Variants in PPFIA2 observed in about 807,000 individuals in gnomAD.
PPFIA2 encodes the protein liprin-alpha-2.
A neutral mutation model predicts 175.5 loss-of-function variants in PPFIA2; 46 were observed. That is an observed-to-expected ratio of 0.26 (90% confidence interval 0.21 to 0.34). The LOEUF (loss-of-function observed/expected upper bound fraction) is 0.34. Among genes scored for constraint, PPFIA2 ranks in the 10% least tolerant of loss-of-function variants. PPFIA2 has a pLI of 1.00. For synonymous variants in PPFIA2, 568 were observed against 511.4 expected (o/e 1.11, Z -1.49); for missense variants, 1,179 against 1,506.1 (o/e 0.78, Z 3.60).
At chr12:81,295,772 C>T (rs1189436352) in intron 23 of PPFIA2, among the ~76,000 whole-genome samples, 1 of 152,114 alleles carries the variant, frequency 6.6e-6, no homozygotes, top group Non-Finnish European at 1.5e-5. Flanking sequence ...GGAAGGATCA[C>T]ATGAGGTCAG....
At chr12:81,511,041 A>G (rs1421106597) in intron 4 of PPFIA2, among the ~76,000 whole-genome samples, 1 of 152,118 alleles carries the variant, frequency 6.6e-6, no homozygotes. Flanking sequence ...ACAATAATTT[A>G]CCAGGAAAAG....
chr12:81,449,100 T>C (rs1246638049), intron 5 of PPFIA2, among the ~76,000 whole-genome samples: 1 of 152,208 alleles, frequency 6.6e-6, no homozygotes, highest in African/African-American at 2.4e-5. Flanking sequence ...CTTGTAGATA[T>C]CAGCCTATTT....
chr12:81,305,639 A>G (rs933388208), intron 22 of PPFIA2, among the ~76,000 whole-genome samples: 2 of 152,026 alleles, frequency 1.3e-5, no homozygotes, highest in African/African-American at 4.8e-5. Context: ...CTATCCCTTG[A>G]GTGATGCCAC....
chr12:81,462,570 G>GTATATATATATACACATATATATA (rs1374654839), intron 4 of PPFIA2, among the ~76,000 whole-genome samples: 1 of 74,178 alleles, frequency 1.3e-5, no homozygotes, highest in Non-Finnish European at 2.4e-5. Context: ...ATATATATGT[G>GTATATATATATACACATATATATA]TATATATATA....
intron 3 of PPFIA2, among the ~76,000 whole-genome samples, chr12:81,730,276 T>C (rs977904244): frequency 6.6e-6 from 1 of 151,678 alleles, no homozygotes; most frequent in African/African-American, 2.4e-5. Context: ...AATCCAAGTG[T>C]ATTAGTCTGC....
At chr12:81,664,452 G>A (rs1406634662) in intron 4 of PPFIA2, among the ~76,000 whole-genome samples, 1 of 151,870 alleles carries the variant, frequency 6.6e-6, no homozygotes, top group Non-Finnish European at 1.5e-5. Context: ...CTCATCACTG[G>A]CCATCAGAGA....
chr12:81,417,855 C>G (rs1271091307), intron 7 of PPFIA2, among the ~76,000 whole-genome samples: 1 of 151,748 alleles, frequency 6.6e-6, no homozygotes, highest in African/African-American at 2.4e-5. Flanking sequence ...TTGTCTCCAA[C>G]AAATTGCCAT....
At chr12:81,262,099 T>C (rs1475290251) in intron 31 of PPFIA2, 59 bp from the exon 32 acceptor site, 23 of 1,175,768 alleles carry the variant, frequency 2.0e-5, no homozygotes, top group Non-Finnish European at 1.8e-5. Flanking sequence ...AGATTTCAGA[T>C]GAGAAAGATT....
intron 4 of PPFIA2, among the ~76,000 whole-genome samples, chr12:81,487,467 T>C (rs1384218908): frequency 6.6e-6 from 1 of 151,712 alleles, no homozygotes; most frequent in Non-Finnish European, 1.5e-5. Context: ...TGGTAAGTGT[T>C]AACAATGAAT....
At chr12:81,505,271 TAA>T (rs575686286) in intron 4 of PPFIA2, among the ~76,000 whole-genome samples, 16 of 127,376 alleles carry the variant, frequency 1.3e-4, no homozygotes, top group African/African-American at 2.1e-4. Context: ...AAAGTATAAT[TAA>T]AAAAAAAAAA....
chr12:81,306,532 TG>T (rs2049221393), intron 22 of PPFIA2, among the ~76,000 whole-genome samples: 3 of 148,054 alleles, frequency 2.0e-5, no homozygotes, highest in Admixed American at 6.9e-5. Flanking sequence ...TTTGTTTGTT[TG>T]TTTCGTTGTT....
intron 17 of PPFIA2, among the ~76,000 whole-genome samples, chr12:81,349,222 A>C (rs1383826728): frequency 2.0e-5 from 3 of 152,198 alleles, no homozygotes; most frequent in Non-Finnish European, 4.4e-5. Flanking sequence ...GGCCAGGCAG[A>C]AAGTACTTTG....
chr12:81,589,329 A>T (rs1284059972), intron 4 of PPFIA2, among the ~76,000 whole-genome samples: 1 of 152,088 alleles, frequency 6.6e-6, no homozygotes, highest in Non-Finnish European at 1.5e-5. Flanking sequence ...GAACATTCTT[A>T]AAAAAACAAA....
chr12:81,362,856 G>A, intron 14 of PPFIA2, 72 bp from the exon 15 acceptor site: 1 of 921,882 alleles, frequency 1.1e-6, no homozygotes, highest in South Asian at 1.8e-5. Flanking sequence ...GAGTCTTAAT[G>A]ATTTTTTTTA....
At chr12:81,339,558 T>C (rs1370358579) in intron 20 of PPFIA2, among the ~76,000 whole-genome samples, 1 of 152,030 alleles carries the variant, frequency 6.6e-6, no homozygotes, top group Non-Finnish European at 1.5e-5. Context: ...GCTCCGAATG[T>C]CTTTTTTTCT....
At chr12:81,697,935 C>G (rs2076073577) in intron 3 of PPFIA2, among the ~76,000 whole-genome samples, 2 of 152,118 alleles carry the variant, frequency 1.3e-5, no homozygotes, top group Non-Finnish European at 2.9e-5. Flanking sequence ...TGTTTGGAAC[C>G]TGAATGCAGT....
intron 4 of PPFIA2, among the ~76,000 whole-genome samples, chr12:81,539,029 A>C (rs1420562898): frequency 1.3e-5 from 2 of 151,962 alleles, no homozygotes; most frequent in East Asian, 3.9e-4. Context: ...GAGGTGGCGA[A>C]ATGTGGTCAG....
chr12:81,605,363 AAGAG>A (rs769860686), intron 4 of PPFIA2, among the ~76,000 whole-genome samples: 2 of 151,680 alleles, frequency 1.3e-5, no homozygotes, highest in Admixed American at 6.6e-5. Context: ...ATAGTGGTGA[AAGAG>A]AGAGACAGAT....
At chr12:81,516,765 G>T (rs2062496060) in intron 4 of PPFIA2, among the ~76,000 whole-genome samples, 1 of 152,194 alleles carries the variant, frequency 6.6e-6, no homozygotes, top group African/African-American at 2.4e-5. Context: ...AATTTCTGTT[G>T]TGTAAGCCAC....
Sources: allele counts gnomAD v4.1 joint callset (sites outside exome capture counted in the v4.1 genomes callset), GRCh38; gene constraint gnomAD v4.1.1; transcripts MANE v1.5; gene names NCBI Gene and HGNC (gene_info 2026-07-23, HGNC 2026-07-21).